PCSK5: variants seen among roughly 807,000 people sequenced by gnomAD.
The protein encoded by PCSK5 is prohormone convertase 5.
Under a neutral mutation model 233.2 loss-of-function variants are expected in PCSK5, and 129 were observed. The ratio of observed to expected loss-of-function variants is 0.55; its 90% CI spans 0.48 to 0.64. The LOEUF is 0.64. Ranked by LOEUF, PCSK5 falls within the 30% of genes least tolerant of loss-of-function variation. The probability of loss-of-function intolerance (pLI) is 0.00; values close to 1 mark genes in which losing one functional copy is unlikely to be tolerated. For missense variants in PCSK5, 2,076 were observed against 2,430.1 expected, an observed-to-expected ratio of 0.85 and a Z score of 3.06; for synonymous variants, 825 against 879.2, an observed-to-expected ratio of 0.94 and a Z score of 1.09.
chr9:76,334,321 T>C (rs898893087), intron 34 of PCSK5, among the ~76,000 whole-genome samples: 5 of 152,206 alleles, frequency 3.3e-5, no homozygotes, highest in African/African-American at 1.2e-4. Context: ...GAGTTTATTC[T>C]TATTTTTATA....
intron 33 of PCSK5, among the ~76,000 whole-genome samples, chr9:76,328,726 T>C (rs1442498090): frequency 6.6e-6 from 1 of 152,210 alleles, no homozygotes; most frequent in East Asian, 1.9e-4. Flanking sequence ...TACTTTAATA[T>C]ACTATCCATA....
intron 2 of PCSK5, among the ~76,000 whole-genome samples, chr9:75,977,946 G>A (rs931376080): frequency 2.0e-5 from 3 of 151,914 alleles, no homozygotes; most frequent in African/African-American, 7.3e-5. Flanking sequence ...AACAGAGAAG[G>A]GGTCAATGAA....
rs34514445 is a variant in PCSK5, at chr9:76,146,528, G to GTATATA, written c.1313-10509_1313-10504dup. Among the ~76,000 whole-genome samples, 26 of 148,694 alleles carry GTATATA rather than the reference G, an allele frequency of 1.7e-4. No individual in the cohort carries two copies. In the South Asian group the frequency reaches 5.3e-3, roughly 30 times the overall value. ...AATAAATATGTATATATACATGTAT[G>GTATATA]TATATATATATATGTGTATATATAT... On this transcript the variant is annotated intron_variant, in intron 10 of 37. Coordinates refer to ENST00000674117, the MANE Select transcript of PCSK5 (RefSeq NM_001372043.1).
chr9:75,940,153 A>G (rs1356696877), intron 2 of PCSK5, among the ~76,000 whole-genome samples: 3 of 152,216 alleles, frequency 2.0e-5, no homozygotes, highest in African/African-American at 7.2e-5. Context: ...TCACCATCAG[A>G]CAGGGCAAAC....
chr9:76,039,275 GAAAC>G (rs1291887621), intron 5 of PCSK5, among the ~76,000 whole-genome samples: 1 of 152,110 alleles, frequency 6.6e-6, no homozygotes, highest in African/African-American at 2.4e-5. Flanking sequence ...CATCCCGGTT[GAAAC>G]AAACAAACAA....
chr9:76,284,660 G>A (rs1828002341), intron 24 of PCSK5, among the ~76,000 whole-genome samples: 1 of 151,218 alleles, frequency 6.6e-6, no homozygotes, highest in African/African-American at 2.4e-5. Flanking sequence ...AACCTCCCAA[G>A]TAGCTGGGAT....
Position 76,358,814 on chromosome 9 carries a change from C to A in PCSK5, c.5556C>A (p.Tyr1852Ter). The A allele has an allele frequency of 6.2e-7, 1 of 1,612,868 alleles. No homozygotes were observed. The highest frequency in any genetic ancestry group is 1.7e-5 in the Admixed American group (1 of 60,024). ...YDEDDDDDIV[Y>*]MGQDGTVYRK... ...AGGATGATGATGATGACATCGTCTA[C>A]ATGGGCCAGGATGGCACAGTCTACC... The change falls in exon 38 of 38, where the codon TAC (tyrosine) becomes TAA (stop). Residue 1852 changes from tyrosine (Y) to a stop codon, truncating the protein, a stop_gained. Transcript: ENST00000674117. LOFTEE classifies it high-confidence loss of function.
At chr9:75,945,487 T>G (rs1824524884) in intron 2 of PCSK5, among the ~76,000 whole-genome samples, 1 of 152,176 alleles carries the variant, frequency 6.6e-6, no homozygotes, top group Non-Finnish European at 1.5e-5. Flanking sequence ...CCATCAGTGT[T>G]GACCTGGTTA....
chr9:76,261,034 T>C (rs934669521), intron 24 of PCSK5, among the ~76,000 whole-genome samples: 5 of 152,198 alleles, frequency 3.3e-5, no homozygotes, highest in Middle Eastern at 3.2e-3. Flanking sequence ...TTACTCTTAG[T>C]TGCCTTACAA....
Position 75,891,376 on chromosome 9 carries a change from A to G in PCSK5, c.192+3A>G, listed in dbSNP as rs756869141. ...ACGGATTCATCAACATAGGACAGGT[A>G]ACGAACTACAGGCTAGCCCAGCCCT... On this transcript the variant is annotated splice_donor_region_variant and intron_variant, in intron 1 of 37. Transcript: ENST00000674117. 9 of 1,547,128 alleles carry G rather than the reference A, an allele frequency of 5.8e-6. No individual in the cohort carries two copies. Among genetic ancestry groups the G allele is most frequent in the South Asian group, 1.2e-5 (1 of 81,140 alleles).
intron 9 of PCSK5, among the ~76,000 whole-genome samples, chr9:76,128,160 G>A (rs1448849227): frequency 6.6e-6 from 1 of 152,162 alleles, no homozygotes; most frequent in Admixed American, 6.6e-5. Context: ...AAGGGACAGT[G>A]AGCAAGAGTT....
intron 30 of PCSK5, among the ~76,000 whole-genome samples, chr9:76,316,349 C>T (rs77698664): frequency 0.07 from 10,580 of 151,968 alleles, 421 homozygotes; most frequent in Non-Finnish European, 0.084. Context: ...TGAGGTTAGC[C>T]GAAGAGAAAG....
Position 76,037,234 on chromosome 9 carries a change from GA to G in PCSK5, c.632+10203del, listed in dbSNP as rs1563986629. Among the ~76,000 whole-genome samples, 3 of 152,146 alleles carry G rather than the reference GA, an allele frequency of 2.0e-5. No homozygotes were observed. In the South Asian group the frequency reaches 6.2e-4, roughly 32 times the overall value. ...GACTGGGAAAGCTTTGTAGTGAGGGGAAAAAAGCCAAACAAAGGAAAGGGAA... is the reference window on the plus strand; with the variant it reads ...GACTGGGAAAGCTTTGTAGTGAGGGGAAAAAGCCAAACAAAGGAAAGGGAA... On this transcript the variant is annotated intron_variant, in intron 5 of 37. Transcript: ENST00000674117.
At chr9:76,033,107 C>T (rs1331451034) in intron 5 of PCSK5, among the ~76,000 whole-genome samples, 1 of 152,196 alleles carries the variant, frequency 6.6e-6, no homozygotes, top group Non-Finnish European at 1.5e-5. Flanking sequence ...TGCCATGTTG[C>T]AGAAACCAAA....
At chr9:75,999,661 C>G (rs529037489) in intron 3 of PCSK5, among the ~76,000 whole-genome samples, 4 of 152,184 alleles carry the variant, frequency 2.6e-5, no homozygotes, top group Non-Finnish European at 5.9e-5. Flanking sequence ...CCCTCATTCC[C>G]GTAAATCCAC....
chr9:76,202,344 G>A (rs62568254), intron 20 of PCSK5, among the ~76,000 whole-genome samples: 4 of 152,108 alleles, frequency 2.6e-5, no homozygotes, highest in Non-Finnish European at 5.9e-5. Flanking sequence ...CACCCCATCT[G>A]TCCACAGTCA....
chr9:76,189,845 C>T, intron 20 of PCSK5, 99 bp downstream of exon 20: 1 of 658,630 alleles, frequency 1.5e-6, no homozygotes, highest in Admixed American at 2.6e-5. Flanking sequence ...TCACAGCATG[C>T]ATCAGATATG....
chr9:75,953,486 G>A (rs1262494897), intron 2 of PCSK5, among the ~76,000 whole-genome samples: 1 of 152,162 alleles, frequency 6.6e-6, no homozygotes, highest in Non-Finnish European at 1.5e-5. Context: ...TTCACCATGA[G>A]ATTGTCCTTT....
chr9:75,902,212 T>G (rs1429956759), intron 1 of PCSK5, among the ~76,000 whole-genome samples: 1 of 30,852 alleles, frequency 3.2e-5, no homozygotes, highest in Non-Finnish European at 5.7e-5. Flanking sequence ...TGAGACACCA[T>G]CTAAAAAAAA....
Sources: allele counts gnomAD v4.1 joint callset (sites outside exome capture counted in the v4.1 genomes callset), GRCh38; gene constraint gnomAD v4.1.1; transcripts MANE v1.5; gene names NCBI Gene and HGNC (gene_info 2026-07-23, HGNC 2026-07-21).